SYTL3: variants seen among roughly 807,000 people sequenced by gnomAD.
SYTL3 encodes the protein synaptotagmin-like protein 3.
Under a neutral mutation model 82.1 loss-of-function variants are expected in SYTL3, and 88 were observed. The ratio of observed to expected loss-of-function variants is 1.07; its 90% CI spans 0.90 to 1.28. The LOEUF is 1.28. Among genes scored for constraint, SYTL3 ranks in the 50% most tolerant of loss-of-function variants. The pLI is 0.00. For synonymous variants in SYTL3, 311 were observed against 289.4 expected (o/e 1.07, Z -0.76); for missense variants, 831 against 757.6 (o/e 1.10, Z -1.14).
intron 14 of SYTL3, among the ~76,000 whole-genome samples, chr6:158,758,293 C>T (rs1562470728): frequency 6.6e-6 from 1 of 152,144 alleles, no homozygotes; most frequent in Admixed American, 6.5e-5. Flanking sequence ...CAAAAATTAG[C>T]TGGGTGTGGT....
intron 6 of SYTL3, among the ~76,000 whole-genome samples, chr6:158,701,590 G>A (rs1781307724): frequency 6.6e-6 from 1 of 150,970 alleles, no homozygotes; most frequent in Admixed American, 6.6e-5. Flanking sequence ...CCTGGAGTGG[G>A]CACAGGCAGC....
At chr6:158,763,170 GCTTCAC>G in intron 16 of SYTL3, 128 bp from the exon 17 acceptor site, 1 of 812,276 alleles carries the variant, frequency 1.2e-6, no homozygotes. Context: ...TTCCCACCCT[GCTTCAC>G]TGGGGAGGGT....
intron 5 of SYTL3, among the ~76,000 whole-genome samples, chr6:158,670,015 A>G (rs1777183635): frequency 6.6e-6 from 1 of 152,236 alleles, no homozygotes; most frequent in Non-Finnish European, 1.5e-5. Context: ...ATGTAAAGAT[A>G]TTGTTACAGG....
At chr6:158,728,632 A>G (rs908177189) in intron 11 of SYTL3, among the ~76,000 whole-genome samples, 3 of 152,174 alleles carry the variant, frequency 2.0e-5, no homozygotes, top group African/African-American at 7.2e-5. Flanking sequence ...TCATTCGTTC[A>G]TTCATTTGTT....
At chr6:158,756,812 A>G (rs146238187) in intron 13 of SYTL3, among the ~76,000 whole-genome samples, 1 of 140,470 alleles carries the variant, frequency 7.1e-6, no homozygotes, top group Non-Finnish European at 1.5e-5. Flanking sequence ...GTTTAGATGC[A>G]AGTTCAAATC....
chr6:158,741,730 C>T (rs1193095707), intron 11 of SYTL3, among the ~76,000 whole-genome samples: 1 of 152,112 alleles, frequency 6.6e-6, no homozygotes, highest in Non-Finnish European at 1.5e-5. Context: ...TGTTGTTGTG[C>T]AGAATAAGAG....
chr6:158,697,565 CTT>C (rs934974339), intron 6 of SYTL3, among the ~76,000 whole-genome samples: 12 of 152,082 alleles, frequency 7.9e-5, no homozygotes, highest in African/African-American at 2.2e-4. Context: ...AAATGAAAAA[CTT>C]TTGTGCATCA....
rs117086601 is a variant in SYTL3 at position 158,655,936 on chromosome 6, C to T, written c.-637+4094C>T. Among the ~76,000 whole-genome samples, 35 of 152,210 alleles carry T rather than the reference C, an allele frequency of 2.3e-4. No homozygotes were observed. The East Asian group carries it at 6.8e-3, about 29-fold the overall frequency. ...GGCAGAAGGAAGAGTGGGGCCGATGCGTGGAAATGCAGAGCGCATGTGGTC... is the reference window on the plus strand; with the variant it reads ...GGCAGAAGGAAGAGTGGGGCCGATGTGTGGAAATGCAGAGCGCATGTGGTC... On this transcript the variant is annotated intron_variant, in intron 2 of 17. Transcript: ENST00000611299.
chr6:158,705,831 C>G (rs887359594), intron 6 of SYTL3, among the ~76,000 whole-genome samples: 1 of 152,078 alleles, frequency 6.6e-6, no homozygotes, highest in African/African-American at 2.4e-5. Context: ...CAGGAGCACC[C>G]TGTGGTATAT....
chr6:158,735,715 C>A (rs1057416541), intron 11 of SYTL3, among the ~76,000 whole-genome samples: 1 of 152,202 alleles, frequency 6.6e-6, no homozygotes, highest in African/African-American at 2.4e-5. Flanking sequence ...TAGGGAAAAT[C>A]ATTTAACCTC....
intron 4 of SYTL3, among the ~76,000 whole-genome samples, chr6:158,665,129 C>T (rs1789872448): frequency 6.6e-6 from 1 of 152,170 alleles, no homozygotes; most frequent in Non-Finnish European, 1.5e-5. Context: ...CTGCCCCAGG[C>T]ATGTTATTTA....
At chr6:158,757,656 C>G (rs1405787318) in intron 14 of SYTL3, among the ~76,000 whole-genome samples, 1 of 152,232 alleles carries the variant, frequency 6.6e-6, no homozygotes, top group Non-Finnish European at 1.5e-5. Flanking sequence ...TGTGGCTTCC[C>G]CTGGCGGAGG....
intron 1 of SYTL3, among the ~76,000 whole-genome samples, chr6:158,651,496 G>A (rs1293398174): frequency 1.3e-5 from 2 of 152,094 alleles, no homozygotes; most frequent in African/African-American, 4.8e-5. Flanking sequence ...GCTGAGGCAG[G>A]GGAATTGCTT....
chr6:158,760,130 C>T (rs1317084046), intron 14 of SYTL3, among the ~76,000 whole-genome samples: 3 of 152,090 alleles, frequency 2.0e-5, no homozygotes, highest in Non-Finnish European at 4.4e-5. Context: ...AGAAGTGCCT[C>T]GGTGGGCAGG....
chr6:158,740,521 G>A (rs1786800578), intron 11 of SYTL3, among the ~76,000 whole-genome samples: 1 of 151,820 alleles, frequency 6.6e-6, no homozygotes, highest in African/African-American at 2.4e-5. Flanking sequence ...CTTTGTTTTT[G>A]GTCACTTACT....
At chr6:158,752,064 C>T (rs754554630) in intron 13 of SYTL3, 34 bp downstream of exon 13, 1 of 1,503,570 alleles carries the variant, frequency 6.7e-7, no homozygotes, top group East Asian at 2.5e-5. Context: ...GTGCAGAGTC[C>T]TCCCGAGCCC....
intron 11 of SYTL3, among the ~76,000 whole-genome samples, chr6:158,736,727 G>T (rs1786222574): frequency 6.6e-6 from 1 of 150,862 alleles, no homozygotes; most frequent in South Asian, 2.1e-4. Flanking sequence ...AGTAGAGGTG[G>T]CAGTGAGCTG....
At chr6:158,665,671 T>C (rs922095645) in intron 5 of SYTL3, 58 bp downstream of exon 5, 5 of 1,320,980 alleles carry the variant, frequency 3.8e-6, no homozygotes, top group African/African-American at 1.5e-5. Context: ...AGGAGGCCTC[T>C]TTACAAACCG....
chr6:158,752,058 A>T (rs757597514), intron 13 of SYTL3, 28 bp downstream of exon 13: 1 of 1,534,440 alleles, frequency 6.5e-7, no homozygotes, highest in East Asian at 2.4e-5. Context: ...ATTCCTGTGC[A>T]GAGTCCTCCC....
Sources: gnomAD v4.1 joint callset for allele counts (sites outside exome capture counted in the v4.1 genomes callset) on GRCh38, gnomAD v4.1.1 for gene constraint, MANE v1.5 for transcripts, NCBI Gene and HGNC (gene_info 2026-07-23, HGNC 2026-07-21) for gene names.